The following TTC23L variants were observed in gnomAD, a reference collection of about 807,000 sequenced individuals.
The protein encoded by TTC23L is tetratricopeptide repeat domain 23 like, also known as tetratricopeptide repeat protein 23-like.
Under a neutral mutation model 48.1 loss-of-function variants are expected in TTC23L, and 42 were observed. The observed-to-expected ratio is 0.87, with a 90% CI of 0.68 to 1.13. The LOEUF is 1.13. Among genes scored for constraint, TTC23L ranks in the 50% most tolerant of loss-of-function variants. The pLI is 0.00. For synonymous variants in TTC23L, 159 were observed against 157.2 expected, an observed-to-expected ratio of 1.01 and a Z score of -0.09; for missense variants, 391 against 421.0, an observed-to-expected ratio of 0.93 and a Z score of 0.62.
chr5:34,867,209 C>A, intron 7 of TTC23L, 140 bp downstream of exon 7: 1 of 865,678 alleles, frequency 1.2e-6, no homozygotes, highest in Non-Finnish European at 1.8e-6. Context: ...CCTCCAGATC[C>A]ACCTAAGAGC....
intron 8 of TTC23L, among the ~76,000 whole-genome samples, chr5:34,879,067 ATTATC>A (rs1170785755): frequency 6.6e-6 from 1 of 152,230 alleles, no homozygotes; most frequent in Non-Finnish European, 1.5e-5. Flanking sequence ...ACTGAAAGTC[ATTATC>A]TTAAGTGAAA....
intron 3 of TTC23L, among the ~76,000 whole-genome samples, chr5:34,846,600 T>TATATATATATATATATATATACACAC (rs61009546): frequency 1.1e-5 from 1 of 92,912 alleles, no homozygotes; most frequent in African/African-American, 5.2e-5. Flanking sequence ...TATATATATA[T>TATATATATATATATATATATACACAC]ACACACACAT....
chr5:34,899,489 A>G (rs1299651976), downstream of TTC23L: 1 of 152,698 alleles, frequency 6.5e-6, no homozygotes, highest in African/African-American at 2.4e-5. Context: ...GTTTCTCAAC[A>G]CTGATAGCAG....
the TTC23L span, chr5:34,922,728 A>C: frequency 6.2e-7 from 1 of 1,614,052 alleles, no homozygotes; most frequent in Admixed American, 1.7e-5. Context: ...ATGACTGGAA[A>C]CTGTTTGAAA....
chr5:34,908,229 A>C, the TTC23L span: 1 of 144,090 alleles, frequency 6.9e-6, no homozygotes, highest in Non-Finnish European at 1.5e-5. Flanking sequence ...GCTGGAGTGC[A>C]ATGGCGTCAT....
intron 4 of TTC23L, among the ~76,000 whole-genome samples, chr5:34,856,437 A>G (rs1760138728): frequency 6.6e-6 from 1 of 152,216 alleles, no homozygotes; most frequent in African/African-American, 2.4e-5. Context: ...CATTTTGGAT[A>G]AGGGATACTC....
intron 8 of TTC23L, among the ~76,000 whole-genome samples, chr5:34,878,415 C>G (rs1762004282): frequency 6.6e-6 from 1 of 152,070 alleles, no homozygotes; most frequent in Non-Finnish European, 1.5e-5. Flanking sequence ...GATAAGAAGA[C>G]TCAATAAAAA....
chr5:34,902,081 C>T (rs1561165750), downstream of TTC23L, among the ~76,000 whole-genome samples: 1 of 152,158 alleles, frequency 6.6e-6, no homozygotes, highest in African/African-American at 2.4e-5. Context: ...CTATAAATAA[C>T]TTTAATTTTT....
chr5:34,892,526 C>A (rs535152769), intron 9 of TTC23L, among the ~76,000 whole-genome samples: 29 of 152,200 alleles, frequency 1.9e-4, no homozygotes, highest in African/African-American at 6.3e-4. Context: ...AAGATATAGT[C>A]CCTTACGTGA....
downstream of TTC23L, among the ~76,000 whole-genome samples, chr5:34,900,881 T>C (rs560293745): frequency 1.3e-5 from 2 of 152,248 alleles, no homozygotes; most frequent in Admixed American, 6.5e-5. Context: ...GCGTTTTGAG[T>C]GGATATTCAC....
intron 5 of TTC23L, 55 bp from the exon 6 acceptor site, chr5:34,864,382 T>C: frequency 1.9e-6 from 3 of 1,599,556 alleles, no homozygotes; most frequent in Non-Finnish European, 2.6e-6. Flanking sequence ...TCACCTGCTG[T>C]CCCTGTGCAG....
chr5:34,839,468 G>A (rs1435742962), intron 1 of TTC23L: 1 of 206,632 alleles, frequency 4.8e-6, no homozygotes, highest in Non-Finnish European at 8.5e-6. Context: ...CAGAACCACA[G>A]CGGGAAAAGA....
At position 34,839,652 on chromosome 5, in the gene TTC23L, T is replaced by G. The variant is rs543121790; in HGVS notation, c.-8+393T>G. The G allele has an allele frequency of 9.1e-6, 9 of 985,280 alleles. No individual in the cohort carries two copies. In the African/African-American group the frequency reaches 1.6e-4, roughly 17 times the overall value. The allele number at this position is 985,280 out of a possible 1,614,324, so 61.0% of individuals were successfully genotyped here. A position where few individuals can be genotyped will look rare whatever the true frequency, so the allele number is the denominator to read the frequency against. On this transcript the variant is annotated intron_variant, in intron 1 of 10. Transcript: ENST00000505624. ...TTCGGATAATGGATGCTCTGGAGCC[T>G]GGGTCAGAAAGCCACTCAGGGCTCG...
chr5:34,925,548 A>G, the TTC23L span: 1 of 1,480,070 alleles, frequency 6.8e-7, no homozygotes, highest in African/African-American at 1.4e-5. Flanking sequence ...TTTTGTATTC[A>G]ATGTGTAAAT....
the TTC23L span, chr5:34,922,847 C>G: frequency 7.2e-7 from 1 of 1,392,454 alleles, no homozygotes; most frequent in Admixed American, 1.8e-5. Context: ...TTGTGTTATT[C>G]AATTTAGTTT....
chr5:34,864,874 A>C (rs375576163), intron 6 of TTC23L, among the ~76,000 whole-genome samples: 1 of 152,214 alleles, frequency 6.6e-6, no homozygotes, highest in African/African-American at 2.4e-5. Context: ...TGAACTCACT[A>C]ACTCTTAGTC....
intron 9 of TTC23L, among the ~76,000 whole-genome samples, chr5:34,892,716 C>T (rs1762946633): frequency 6.6e-6 from 1 of 152,086 alleles, no homozygotes. Context: ...AGACAAGAAG[C>T]TAGAGGAGAG....
intron 8 of TTC23L, among the ~76,000 whole-genome samples, chr5:34,870,970 G>T (rs866951563): frequency 4.6e-5 from 7 of 152,108 alleles, no homozygotes; most frequent in Non-Finnish European, 8.8e-5. Context: ...CTGATAAAAG[G>T]CATATACCAA....
chr5:34,863,046 G>T lies in TTC23L; in HGVS notation c.528G>T (p.Leu176=). Residue 176 remains leucine (L), a synonymous_variant, in exon 5 of 11, where the codon CTG becomes CTT. Transcript: ENST00000505624. The surrounding 1 kb of genome is among the most constrained non-coding windows in gnomAD (Gnocchi z 4.1). ...ACACTCTGGGCGTGGCCTGGCTCCT[G>T]CAGAACCGATATCCTTCCATTCCTA... 1 of 1,613,888 alleles carries T rather than the reference G, an allele frequency of 6.2e-7. No homozygotes were observed. The highest frequency in any genetic ancestry group is 8.5e-7 in the Non-Finnish European group (1 of 1,179,858).
Sources: gnomAD v4.1 joint callset for allele counts (sites outside exome capture counted in the v4.1 genomes callset) on GRCh38, gnomAD v4.1.1 for gene constraint, Gnocchi (gnomAD v3.1) non-coding constraint, MANE v1.5 for transcripts, NCBI Gene and HGNC (gene_info 2026-07-23, HGNC 2026-07-21) for gene names.